Variants in THSD7B observed in about 807,000 individuals in gnomAD.
The protein encoded by THSD7B is thrombospondin type-1 domain-containing protein 7B.
In THSD7B, 138 loss-of-function variants were observed where a neutral mutation model predicts 213.6. That is an observed-to-expected ratio of 0.65 (90% CI 0.56 to 0.74). The LOEUF is 0.74. Ranked by LOEUF, THSD7B falls within the 30% of genes least tolerant of loss-of-function variation. The pLI is 0.00. For missense variants in THSD7B, 1,931 were observed against 1,991.5 expected (o/e 0.97, Z 0.58); for synonymous variants, 742 against 687.0 (o/e 1.08, Z -1.25).
chr2:137,303,443 T>C (rs1683656527), intron 12 of THSD7B, among the ~76,000 whole-genome samples: 1 of 151,760 alleles, frequency 6.6e-6, no homozygotes, highest in Admixed American at 6.6e-5. Context: ...TTAATCTTTT[T>C]CTCTGAAAAA....
At chr2:136,900,225 A>G (rs775468140) in intron 2 of THSD7B, among the ~76,000 whole-genome samples, 4 of 152,220 alleles carry the variant, frequency 2.6e-5, no homozygotes, top group Non-Finnish European at 5.9e-5. Context: ...AACCAATGTT[A>G]CTAACCCACT....
rs577780836 is a variant in THSD7B, at chr2:136,846,036, G to A, written c.-35-36108G>A. On this transcript the variant is annotated intron_variant, in intron 1 of 27. Coordinates refer to ENST00000409968, the MANE Select transcript of THSD7B (RefSeq NM_001316349.2). ...CTTCCTGTCACTGTCCCTCATCTTG[G>A]CTGAGGGATGACTCCTTAGACTTCC... Among the ~76,000 whole-genome samples, 14 of 152,228 alleles carry A rather than the reference G, an allele frequency of 9.2e-5. No homozygotes were observed. In the East Asian group the frequency reaches 2.5e-3, roughly 27 times the overall value.
intron 6 of THSD7B, among the ~76,000 whole-genome samples, chr2:137,167,984 C>A (rs905194830): frequency 2.0e-5 from 3 of 152,188 alleles, no homozygotes; most frequent in Non-Finnish European, 2.9e-5. Flanking sequence ...TCACACCCAT[C>A]CATTTAATCA....
chr2:136,768,328 T>C (rs903655083), intron 1 of THSD7B, among the ~76,000 whole-genome samples: 3 of 152,182 alleles, frequency 2.0e-5, no homozygotes, highest in Non-Finnish European at 4.4e-5. Context: ...ACAAGAACAA[T>C]TCTAAAGCAT....
chr2:137,393,464 T>C (rs1272375803), intron 12 of THSD7B, among the ~76,000 whole-genome samples: 1 of 149,434 alleles, frequency 6.7e-6, no homozygotes, highest in African/African-American at 2.5e-5. Context: ...TCCAATTTCA[T>C]CCATGTCCCT....
chr2:137,517,258 C>T (rs1044379364), intron 15 of THSD7B, among the ~76,000 whole-genome samples: 2 of 152,266 alleles, frequency 1.3e-5, no homozygotes, highest in African/African-American at 4.8e-5. Context: ...ACCTTGATCA[C>T]TTTGTGCTTC....
chr2:137,659,517 G>T, intron 24 of THSD7B, 147 bp from the exon 25 acceptor site: 1 of 681,376 alleles, frequency 1.5e-6, no homozygotes, highest in South Asian at 2.1e-5. Context: ...AATAAAATAG[G>T]CTTGGACCAC....
chr2:136,982,650 C>T (rs1481336249), intron 2 of THSD7B, among the ~76,000 whole-genome samples: 1 of 152,038 alleles, frequency 6.6e-6, no homozygotes, highest in Non-Finnish European at 1.5e-5. Flanking sequence ...CCCTTTTTCA[C>T]ACACACACAA....
chr2:137,242,646 T>C (rs1681938631), intron 10 of THSD7B, 74 bp downstream of exon 10: 1 of 1,147,400 alleles, frequency 8.7e-7, no homozygotes, highest in East Asian at 2.5e-5. Flanking sequence ...AAGTGAGAGG[T>C]TGTGGAATGT....
At chr2:137,192,037 A>C (rs1680669624) in intron 7 of THSD7B, among the ~76,000 whole-genome samples, 1 of 152,092 alleles carries the variant, frequency 6.6e-6, no homozygotes, top group South Asian at 2.1e-4. Context: ...CTTAGGATGA[A>C]TTGTTGGAAG....
chr2:136,880,745 C>T (rs1573685957), intron 1 of THSD7B, among the ~76,000 whole-genome samples: 1 of 152,096 alleles, frequency 6.6e-6, no homozygotes, highest in African/African-American at 2.4e-5. Flanking sequence ...TCTCCTGATC[C>T]TTGATCTTTT....
chr2:137,647,114 G>T (rs139710699), intron 21 of THSD7B, among the ~76,000 whole-genome samples: 510 of 152,230 alleles, frequency 3.4e-3, no homozygotes, highest in Non-Finnish European at 5.7e-3. Context: ...TGACCCATAA[G>T]CCCAGGGATC....
In THSD7B at chr2:137,361,188, C is replaced by CA. The variant is rs202024129; in HGVS notation, c.2501-44417dup. 2.2e-4 allele frequency among the ~76,000 whole-genome samples: 34 copies of CA among 151,700 alleles called. 1 individual carries two copies. Among genetic ancestry groups the CA allele is most frequent in the South Asian group, 1.0e-3 (5 of 4,804 alleles). ...AAACAGAAAGGAATAGCATCCACATCAAAAAAAAGGACATCCACACCAAAA... is the reference window on the plus strand; with the variant it reads ...AAACAGAAAGGAATAGCATCCACATCAAAAAAAAAGGACATCCACACCAAAA... On this transcript the variant is annotated intron_variant, in intron 12 of 27. Transcript: ENST00000409968.
chr2:136,859,899 A>G (rs1489462809), intron 1 of THSD7B, among the ~76,000 whole-genome samples: 1 of 152,158 alleles, frequency 6.6e-6, no homozygotes, highest in Non-Finnish European at 1.5e-5. Context: ...CCCTTTGTGT[A>G]TCAGTGGATG....
chr2:137,574,136 A>G (rs549995063), intron 17 of THSD7B, among the ~76,000 whole-genome samples: 2 of 152,218 alleles, frequency 1.3e-5, no homozygotes, highest in South Asian at 4.1e-4. Context: ...AGAAGACTCC[A>G]TTAAGCTCTA....
At chr2:137,183,371 T>G (rs1399153284) in intron 7 of THSD7B, among the ~76,000 whole-genome samples, 5 of 152,138 alleles carry the variant, frequency 3.3e-5, no homozygotes, top group Admixed American at 6.6e-5. Flanking sequence ...ACATGAAGGC[T>G]TAATGGAAGA....
chr2:136,848,155 A>G (rs945394340), intron 1 of THSD7B, among the ~76,000 whole-genome samples: 1 of 152,218 alleles, frequency 6.6e-6, no homozygotes, highest in African/African-American at 2.4e-5. Flanking sequence ...ATTCCTGTAC[A>G]ACATTGTACA....
intron 1 of THSD7B, among the ~76,000 whole-genome samples, chr2:136,778,126 CTCTG>C (rs1681647789): frequency 6.6e-6 from 1 of 152,130 alleles, no homozygotes; most frequent in African/African-American, 2.4e-5. Flanking sequence ...ACCTACAACC[CTCTG>C]TCTGCATAGT....
intron 3 of THSD7B, among the ~76,000 whole-genome samples, chr2:137,065,435 T>G (rs1687357677): frequency 6.6e-6 from 1 of 152,036 alleles, no homozygotes; most frequent in East Asian, 1.9e-4. Flanking sequence ...AATATTATGT[T>G]ATCTGCAAAC....
Sources: allele counts gnomAD v4.1 joint callset (sites outside exome capture counted in the v4.1 genomes callset), GRCh38; gene constraint gnomAD v4.1.1; transcripts MANE v1.5; gene names NCBI Gene and HGNC (gene_info 2026-07-23, HGNC 2026-07-21).